SMYD3: variants seen among roughly 807,000 people sequenced by gnomAD.
SMYD3 encodes the protein SET and MYND domain containing 3.
SMYD3 carries 36 observed loss-of-function variants against 57.7 expected under a neutral mutation model. The observed-to-expected ratio is 0.62, with a 90% CI of 0.48 to 0.82. The LOEUF is 0.82. Among genes scored for constraint, SMYD3 ranks in the 40% least tolerant of loss-of-function variants. SMYD3 has a pLI of 0.00. For missense variants in SMYD3, 515 were observed against 538.8 expected (o/e 0.96, Z 0.44); for synonymous variants, 211 against 195.0 (o/e 1.08, Z -0.68).
intron 5 of SMYD3, among the ~76,000 whole-genome samples, chr1:245,974,303 T>C (rs2058372516): frequency 6.6e-6 from 1 of 152,158 alleles, no homozygotes; most frequent in African/African-American, 2.4e-5. Context: ...GAGATGACAG[T>C]ATTTATTTTT....
chr1:246,261,453 A>G (rs2064010797), intron 5 of SMYD3, among the ~76,000 whole-genome samples: 1 of 151,896 alleles, frequency 6.6e-6, no homozygotes. Context: ...TATTTTCTTA[A>G]AGATATAATC....
intron 8 of SMYD3, among the ~76,000 whole-genome samples, chr1:245,865,593 T>G (rs532369742): frequency 6.6e-6 from 1 of 152,366 alleles, no homozygotes; most frequent in African/African-American, 2.4e-5. Context: ...TATTACTCTG[T>G]TTGCCACAGA....
chr1:246,305,097 C>A (rs563653673), intron 5 of SMYD3, among the ~76,000 whole-genome samples: 8 of 152,288 alleles, frequency 5.3e-5, no homozygotes, highest in Non-Finnish European at 1.0e-4. Context: ...TAACATAAGT[C>A]CCTTTTCCTG....
chr1:246,012,017 GCTGGTACTGGCTGTCAATATCATTATCCA>G (rs2059290926), intron 5 of SMYD3, among the ~76,000 whole-genome samples: 1 of 152,122 alleles, frequency 6.6e-6, no homozygotes, highest in African/African-American at 2.4e-5. Flanking sequence ...CCAATTGCTT[GCTGGTACTGGCTGTCAATATCATTATCCA>G]CTGATACTGG....
At chr1:245,772,175 A>T (rs1389939381) in intron 10 of SMYD3, among the ~76,000 whole-genome samples, 1 of 151,998 alleles carries the variant, frequency 6.6e-6, no homozygotes, top group Non-Finnish European at 1.5e-5. Flanking sequence ...ATGGATCTGC[A>T]CTCCCCCATC....
chr1:246,174,640 T>A (rs1423864002), intron 5 of SMYD3, among the ~76,000 whole-genome samples: 1 of 152,140 alleles, frequency 6.6e-6, no homozygotes, highest in African/African-American at 2.4e-5. Context: ...AGAGATGGGG[T>A]TTCACTATGT....
At chr1:246,021,329 C>T (rs1032983352) in intron 5 of SMYD3, among the ~76,000 whole-genome samples, 1 of 152,160 alleles carries the variant, frequency 6.6e-6, no homozygotes, top group Non-Finnish European at 1.5e-5. Flanking sequence ...CAAAATATAG[C>T]TCTAGCCTGA....
chr1:245,961,048 C>G (rs1038832272), intron 5 of SMYD3, among the ~76,000 whole-genome samples: 1 of 152,176 alleles, frequency 6.6e-6, no homozygotes, highest in African/African-American at 2.4e-5. Context: ...CTTCCATATG[C>G]CTTAAAACTA....
intron 10 of SMYD3, among the ~76,000 whole-genome samples, chr1:245,811,769 T>C (rs114533711): frequency 3.9e-5 from 6 of 152,352 alleles, no homozygotes; most frequent in Non-Finnish European, 8.8e-5. Context: ...TGATGTGCTG[T>C]ACAGGTGCTC....
chr1:246,170,614 T>C (rs988428372), intron 5 of SMYD3, among the ~76,000 whole-genome samples: 33 of 152,306 alleles, frequency 2.2e-4, no homozygotes, highest in African/African-American at 7.9e-4. Context: ...AAAACGGTAG[T>C]AATACAAGAC....
At chr1:246,059,868 G>C (rs1478233873) in intron 5 of SMYD3, among the ~76,000 whole-genome samples, 1 of 152,066 alleles carries the variant, frequency 6.6e-6, no homozygotes, top group Non-Finnish European at 1.5e-5. Context: ...TGGAACAGTA[G>C]GCATTTAAGC....
Position 245,749,682 on chromosome 1 carries a change from AAG to A in SMYD3, c.1186-20_1186-19del. 6.2e-7 allele frequency: 1 copy of A among 1,604,912 alleles called. No individual in the cohort carries two copies. The highest frequency in any genetic ancestry group is 8.5e-7 in the Non-Finnish European group (1 of 1,171,878). ...TCAAAAGCCTAAAGAGAAAGGACGG[AAG>A]AGAGATTAGACCCCAAAATAGGTGA... On this transcript the variant is annotated intron_variant, in intron 11 of 11. Transcript: ENST00000490107.
At chr1:246,058,488 C>A (rs1055255050) in intron 5 of SMYD3, among the ~76,000 whole-genome samples, 1 of 152,270 alleles carries the variant, frequency 6.6e-6, no homozygotes, top group Middle Eastern at 3.4e-3. Context: ...TGAAGCAGCA[C>A]GTTATCTTAC....
At chr1:245,953,272 G>A in intron 5 of SMYD3, 1 of 999,804 alleles carries the variant, frequency 1.0e-6, no homozygotes, top group Non-Finnish European at 1.2e-6. Flanking sequence ...TGCTACATTG[G>A]GAAACTTCAC....
chr1:246,023,760 G>C (rs1004046048), intron 5 of SMYD3, among the ~76,000 whole-genome samples: 24 of 150,128 alleles, frequency 1.6e-4, no homozygotes, highest in African/African-American at 5.9e-4. Context: ...ATGTATCTTT[G>C]GTGAGTCATT....
intron 5 of SMYD3, among the ~76,000 whole-genome samples, chr1:246,244,953 C>A (rs2063675657): frequency 6.6e-6 from 1 of 152,084 alleles, no homozygotes; most frequent in South Asian, 2.1e-4. Flanking sequence ...GCTGAAGTTT[C>A]AATTTTCTTT....
At chr1:246,049,653 G>A (rs544444927) in intron 5 of SMYD3, among the ~76,000 whole-genome samples, 17 of 152,242 alleles carry the variant, frequency 1.1e-4, no homozygotes, top group East Asian at 5.8e-4. Flanking sequence ...TTTAACAGAC[G>A]TCAACTGCGC....
intron 5 of SMYD3, among the ~76,000 whole-genome samples, chr1:245,986,956 T>C (rs960077445): frequency 6.6e-6 from 1 of 152,240 alleles, no homozygotes; most frequent in East Asian, 1.9e-4. Flanking sequence ...TATGTAAATG[T>C]CAATGTACAT....
chr1:245,793,873 GATA>G (rs2047409823), intron 10 of SMYD3, among the ~76,000 whole-genome samples: 1 of 152,032 alleles, frequency 6.6e-6, no homozygotes, highest in African/African-American at 2.4e-5. Context: ...TATATTGTTT[GATA>G]ATGACAGTTA....
Sources: gnomAD v4.1 joint callset for allele counts (sites outside exome capture counted in the v4.1 genomes callset) on GRCh38, gnomAD v4.1.1 for gene constraint, MANE v1.5 for transcripts, NCBI Gene and HGNC (gene_info 2026-07-23, HGNC 2026-07-21) for gene names.